The following TBL1XR1 variants were observed in gnomAD, a reference collection of about 807,000 sequenced individuals.
The protein encoded by TBL1XR1 is TBL1X/Y related 1, also known as F-box-like/WD repeat-containing protein TBL1XR1.
Under a neutral mutation model 66.9 loss-of-function variants are expected in TBL1XR1, and 5 were observed. The ratio of observed to expected loss-of-function variants is 0.07; its 90% CI spans 0.04 to 0.16. The LOEUF (loss-of-function observed/expected upper bound fraction) is 0.16, where lower values mean the gene tolerates loss of function less well. TBL1XR1 is among the 10% of genes least tolerant of loss of function. TBL1XR1 has a pLI of 1.00. For missense variants in TBL1XR1, 238 were observed against 623.2 expected (o/e 0.38, Z 6.58); for synonymous variants, 210 against 206.0 (o/e 1.02, Z -0.17).
intron 9 of TBL1XR1, among the ~76,000 whole-genome samples, 199 bp from the exon 10 acceptor site, chr3:177,046,388 T>C (rs1186576547): frequency 6.6e-6 from 1 of 152,146 alleles, no homozygotes; most frequent in Non-Finnish European, 1.5e-5. Flanking sequence ...TCCCTGATGA[T>C]TTTGCATTGG....
chr3:177,162,805 A>ATTT (rs1732383548), intron 1 of TBL1XR1, among the ~76,000 whole-genome samples: 2 of 152,218 alleles, frequency 1.3e-5, no homozygotes, highest in African/African-American at 4.8e-5. Flanking sequence ...TAAATATACA[A>ATTT]AAAGATGCTC....
intron 1 of TBL1XR1, among the ~76,000 whole-genome samples, chr3:177,165,732 A>G (rs1732743244): frequency 6.6e-6 from 1 of 152,182 alleles, no homozygotes; most frequent in Non-Finnish European, 1.5e-5. Context: ...AGAGTGCTGG[A>G]ACAACTAAAC....
intron 2 of TBL1XR1, among the ~76,000 whole-genome samples, chr3:177,096,030 A>AG (rs1723435556): frequency 2.0e-5 from 3 of 152,296 alleles, no homozygotes; most frequent in Admixed American, 6.5e-5. Flanking sequence ...AAATTTTAAG[A>AG]GAAAAAAACA....
At chr3:177,036,797 G>T (rs1714852767) in intron 12 of TBL1XR1, among the ~76,000 whole-genome samples, 1 of 152,132 alleles carries the variant, frequency 6.6e-6, no homozygotes. Flanking sequence ...CATAGTAGCA[G>T]GAAAATCAGT....
chr3:177,149,468 T>C (rs1730631716), intron 1 of TBL1XR1, among the ~76,000 whole-genome samples: 1 of 152,152 alleles, frequency 6.6e-6, no homozygotes, highest in African/African-American at 2.4e-5. Context: ...ATTTTACATA[T>C]AAGAAAACTG....
chr3:177,180,249 A>C (rs1281644275), intron 1 of TBL1XR1, among the ~76,000 whole-genome samples: 1 of 150,978 alleles, frequency 6.6e-6, no homozygotes, highest in African/African-American at 2.4e-5. Flanking sequence ...AAAAAAAAAA[A>C]AAAAAAAAGC....
chr3:177,120,299 T>C (rs770141776), intron 1 of TBL1XR1, among the ~76,000 whole-genome samples: 2 of 152,070 alleles, frequency 1.3e-5, no homozygotes, highest in Admixed American at 6.6e-5. Context: ...GAAAGCTTTC[T>C]CTTACTACTC....
At chr3:177,070,855 AT>A (rs201462555) in intron 2 of TBL1XR1, among the ~76,000 whole-genome samples, 16 of 151,622 alleles carry the variant, frequency 1.1e-4, no homozygotes, top group South Asian at 2.1e-4. Flanking sequence ...CAAAAAAAAA[AT>A]AAATAAATAA....
intron 10 of TBL1XR1, 132 bp from the exon 11 acceptor site, chr3:177,038,566 G>A: frequency 1.2e-6 from 1 of 845,556 alleles, no homozygotes. Context: ...TACTTTTTAA[G>A]ATATTAAGAA....
chr3:177,082,567 T>A (rs1183591422), intron 2 of TBL1XR1, among the ~76,000 whole-genome samples: 1 of 151,032 alleles, frequency 6.6e-6, no homozygotes, highest in Non-Finnish European at 1.5e-5. Context: ...GGCCAGAAAA[T>A]GAACTGGTAT....
chr3:177,179,117 CAAAAAAAAAAAA>C (rs71178099), intron 1 of TBL1XR1, among the ~76,000 whole-genome samples: 14 of 107,438 alleles, frequency 1.3e-4, no homozygotes, highest in Middle Eastern at 4.1e-3. Context: ...AACTACGTCT[CAAAAAAAAAAAA>C]AAAAAAAAAA....
At chr3:177,161,844 C>T (rs1037475054) in intron 1 of TBL1XR1, among the ~76,000 whole-genome samples, 4 of 151,416 alleles carry the variant, frequency 2.6e-5, no homozygotes, top group African/African-American at 7.3e-5. Flanking sequence ...CAACAATAAG[C>T]ACATGAAAAT....
chr3:177,115,609 C>T (rs1398952949), intron 1 of TBL1XR1, among the ~76,000 whole-genome samples: 6 of 152,244 alleles, frequency 3.9e-5, no homozygotes, highest in East Asian at 3.9e-4. Flanking sequence ...ACTATCCGTA[C>T]GCCTCATTCC....
At chr3:177,070,541 A>G (rs1281812825) in intron 2 of TBL1XR1, among the ~76,000 whole-genome samples, 3 of 152,166 alleles carry the variant, frequency 2.0e-5, no homozygotes, top group African/African-American at 7.2e-5. Flanking sequence ...AAAGAATTAG[A>G]AAGTCAGACA....
intron 2 of TBL1XR1, among the ~76,000 whole-genome samples, chr3:177,082,959 C>T (rs184529602): frequency 3.3e-5 from 5 of 151,120 alleles, no homozygotes; most frequent in Admixed American, 6.6e-5. Context: ...GTGGTTTCAA[C>T]GTGTTAGCCA....
intron 1 of TBL1XR1, among the ~76,000 whole-genome samples, chr3:177,175,441 T>C (rs986886731): frequency 6.6e-6 from 1 of 152,208 alleles, no homozygotes. Context: ...TCTTCAGATA[T>C]CTAAAAAATA....
At chr3:177,026,565 C>T in intron 14 of TBL1XR1, 91 bp from the exon 15 acceptor site, 5 of 940,394 alleles carry the variant, frequency 5.3e-6, no homozygotes, top group Non-Finnish European at 3.0e-6. Flanking sequence ...AGCTTTATTT[C>T]TAGCAATCAG....
chr3:177,081,855 A>G (rs1419405809), intron 2 of TBL1XR1, among the ~76,000 whole-genome samples: 2 of 152,098 alleles, frequency 1.3e-5, no homozygotes, highest in Non-Finnish European at 2.9e-5. Context: ...TATATAATAT[A>G]CAATATAAAA....
intron 3 of TBL1XR1, among the ~76,000 whole-genome samples, chr3:177,062,470 T>C (rs1453994087): frequency 2.0e-5 from 3 of 152,200 alleles, no homozygotes; most frequent in Non-Finnish European, 4.4e-5. Flanking sequence ...AACTTCAGAA[T>C]TCTTAACATA....
Sources: allele counts gnomAD v4.1 joint callset (sites outside exome capture counted in the v4.1 genomes callset), GRCh38; gene constraint gnomAD v4.1.1; transcripts MANE v1.5; gene names NCBI Gene and HGNC (gene_info 2026-07-23, HGNC 2026-07-21).